Variants in LMO7 observed in about 807,000 individuals in gnomAD.
The protein encoded by LMO7 is LIM domain only protein 7.
A neutral mutation model predicts 206.5 loss-of-function variants in LMO7; 120 were observed. The ratio of observed to expected loss-of-function variants is 0.58; its 90% CI spans 0.50 to 0.68. LMO7 has a LOEUF of 0.68. Ranked by LOEUF, LMO7 falls within the 30% of genes least tolerant of loss-of-function variation. LMO7 has a pLI of 0.00. For missense variants in LMO7, 1,959 were observed against 1,957.9 expected, an observed-to-expected ratio of 1.00 and a Z score of -0.01; for synonymous variants, 706 against 681.5, an observed-to-expected ratio of 1.04 and a Z score of -0.56.
intron 2 of LMO7, among the ~76,000 whole-genome samples, chr13:75,623,765 AC>A (rs1451788043): frequency 6.6e-6 from 1 of 152,186 alleles, no homozygotes; most frequent in Non-Finnish European, 1.5e-5. Context: ...GATGAAATTT[AC>A]CAATTTAGAT....
intron 3 of LMO7, among the ~76,000 whole-genome samples, chr13:75,732,623 C>A (rs548200602): frequency 6.6e-6 from 1 of 152,214 alleles, no homozygotes; most frequent in Non-Finnish European, 1.5e-5. Flanking sequence ...CTTCTCTCAA[C>A]TCGTCAAAGT....
At chr13:75,846,129 G>T (rs569711938) in intron 26 of LMO7, among the ~76,000 whole-genome samples, 11 of 151,926 alleles carry the variant, frequency 7.2e-5, no homozygotes, top group African/African-American at 2.7e-4. Context: ...CTGTTTTCAT[G>T]TGTTATCTTT....
chr13:75,740,743 A>T (rs935513247), intron 3 of LMO7, among the ~76,000 whole-genome samples: 6 of 152,150 alleles, frequency 3.9e-5, no homozygotes, highest in Non-Finnish European at 8.8e-5. Flanking sequence ...TACTGGGCTG[A>T]TTCTGGCTGT....
chr13:75,733,324 G>T (rs1379275669), intron 3 of LMO7, among the ~76,000 whole-genome samples: 3 of 152,236 alleles, frequency 2.0e-5, no homozygotes, highest in Non-Finnish European at 4.4e-5. Context: ...GCAAGCCTGG[G>T]CAATGGCGGG....
At chr13:75,709,612 G>A (rs1446459226) in intron 1 of LMO7, among the ~76,000 whole-genome samples, 1 of 152,148 alleles carries the variant, frequency 6.6e-6, no homozygotes, top group Non-Finnish European at 1.5e-5. Context: ...AGAAGTGTCT[G>A]TTCATATCCT....
intron 1 of LMO7, among the ~76,000 whole-genome samples, chr13:75,640,532 C>T (rs553442179): frequency 1.3e-5 from 2 of 152,290 alleles, no homozygotes; most frequent in East Asian, 3.9e-4. Context: ...ATCGCCAAAC[C>T]TCCAGCCCCA....
chr13:75,706,632 A>T (rs2042679752), intron 1 of LMO7, among the ~76,000 whole-genome samples: 1 of 152,226 alleles, frequency 6.6e-6, no homozygotes, highest in South Asian at 2.1e-4. Context: ...GTGTTAACAC[A>T]TCTTTTTATC....
At chr13:75,631,719 G>C (rs551331599), upstream of LMO7, 1 of 152,414 alleles carries the variant, frequency 6.6e-6, no homozygotes, top group Admixed American at 6.5e-5. Flanking sequence ...AGGACCTCAC[G>C]TGAGGCTGCA....
chr13:75,751,231 G>A (rs541117178), intron 3 of LMO7, among the ~76,000 whole-genome samples: 40 of 131,818 alleles, frequency 3.0e-4, no homozygotes, highest in South Asian at 2.9e-3. Context: ...CGTGATCTCG[G>A]CTCACTGCAA....
intron 1 of LMO7, among the ~76,000 whole-genome samples, chr13:75,694,616 C>T (rs548502587): frequency 6.0e-4 from 92 of 152,146 alleles, no homozygotes; most frequent in African/African-American, 1.6e-3. Flanking sequence ...TTTGGAGGGA[C>T]AGAGAAGGTT....
chr13:75,767,329 G>A (rs1035480557), intron 4 of LMO7, among the ~76,000 whole-genome samples: 3 of 151,924 alleles, frequency 2.0e-5, no homozygotes, highest in Non-Finnish European at 2.9e-5. Flanking sequence ...GAGACTTTCC[G>A]GTAGAAAAAC....
At chr13:75,646,383 C>A (rs993508556) in intron 1 of LMO7, among the ~76,000 whole-genome samples, 1 of 152,132 alleles carries the variant, frequency 6.6e-6, no homozygotes, top group African/African-American at 2.4e-5. Context: ...AGAGATTATA[C>A]ATCCGACTCT....
At chr13:75,843,486 G>T (rs1284336813) in intron 25 of LMO7, among the ~76,000 whole-genome samples, 1 of 152,138 alleles carries the variant, frequency 6.6e-6, no homozygotes, top group Non-Finnish European at 1.5e-5. Context: ...TCAATTTTCT[G>T]TAATCCAACA....
At chr13:75,712,927 T>G (rs570629862) in intron 1 of LMO7, among the ~76,000 whole-genome samples, 1 of 134,768 alleles carries the variant, frequency 7.4e-6, no homozygotes, top group African/African-American at 3.3e-5. Context: ...TCCAATAAAA[T>G]GATTATATTA....
intron 15 of LMO7, among the ~76,000 whole-genome samples, chr13:75,827,652 C>A (rs553456603): frequency 3.5e-4 from 53 of 152,264 alleles, no homozygotes; most frequent in Non-Finnish European, 6.0e-4. Context: ...AGTCCTTCAT[C>A]CCCCCTCCGT....
intron 12 of LMO7, among the ~76,000 whole-genome samples, chr13:75,818,564 A>G (rs781442752): frequency 1.3e-5 from 2 of 152,098 alleles, no homozygotes; most frequent in African/African-American, 4.8e-5. Context: ...GAAAAGCTGA[A>G]TTAGGTTGAT....
chr13:75,824,164 A>G (rs1474997913), intron 15 of LMO7, among the ~76,000 whole-genome samples: 1 of 152,134 alleles, frequency 6.6e-6, no homozygotes, highest in Non-Finnish European at 1.5e-5. Flanking sequence ...TGGTTGCCTT[A>G]TACTGCTAGT....
intron 3 of LMO7, among the ~76,000 whole-genome samples, chr13:75,728,237 C>T (rs1304245336): frequency 6.6e-6 from 1 of 152,188 alleles, no homozygotes; most frequent in Admixed American, 6.5e-5. Flanking sequence ...TACAGTCCCA[C>T]CAACAGTGTA....
chr13:75,805,203 TC>T, intron 8 of LMO7: 1 of 1,234,374 alleles, frequency 8.1e-7, no homozygotes, highest in South Asian at 2.7e-5. Flanking sequence ...TGATTTTAAT[TC>T]AGAAAGTAAC....
Sources: allele counts gnomAD v4.1 joint callset (sites outside exome capture counted in the v4.1 genomes callset), GRCh38; gene constraint gnomAD v4.1.1; transcripts MANE v1.5; gene names NCBI Gene and HGNC (gene_info 2026-07-23, HGNC 2026-07-21).